PCDHGA3: variants seen among roughly 807,000 people sequenced by gnomAD.
The protein encoded by PCDHGA3 is protocadherin gamma subfamily A, 3, also known as protocadherin gamma-A3.
A neutral mutation model predicts 58.5 loss-of-function variants in PCDHGA3; 40 were observed. The observed-to-expected ratio is 0.68, with a 90% CI of 0.53 to 0.89. The LOEUF (loss-of-function observed/expected upper bound fraction) is 0.89, where lower values mean the gene tolerates loss of function less well. Among genes scored for constraint, PCDHGA3 ranks in the 40% least tolerant of loss-of-function variants. The pLI is 0.00. For synonymous variants in PCDHGA3, 530 were observed against 525.7 expected (o/e 1.01, Z -0.11); for missense variants, 1,223 against 1,195.9 (o/e 1.02, Z -0.33).
chr5:141,481,021 GC>G (rs2099529893), intron 1 of PCDHGA3, among the ~76,000 whole-genome samples: 1 of 152,076 alleles, frequency 6.6e-6, no homozygotes, highest in Non-Finnish European at 1.5e-5. Context: ...TCACACCACT[GC>G]ACTCCAGCCT....
In PCDHGA3 at chr5:141,490,455, G is replaced by A. The variant is rs746957706; in HGVS notation, c.2425-4352G>A. The A allele has an allele frequency of 9.3e-6, 15 of 1,614,010 alleles. No individual in the cohort carries two copies. The highest frequency in any genetic ancestry group is 2.2e-5 in the South Asian group (2 of 91,084). ...TTAAGCCTTCTGAGAACCACTACTC[G>A]CTGCTAACCAGCCAGCCTTTGGACC... On this transcript the variant is annotated intron_variant, in intron 1 of 3. Coordinates refer to ENST00000253812, the MANE Select transcript of PCDHGA3 (RefSeq NM_018916.4). The surrounding 1 kb of genome is among the most constrained non-coding windows in gnomAD (Gnocchi z 5.4).
chr5:141,387,388 T>C (rs1323763140), intron 1 of PCDHGA3, among the ~76,000 whole-genome samples: 3 of 152,196 alleles, frequency 2.0e-5, no homozygotes, highest in Non-Finnish European at 2.9e-5. Flanking sequence ...ATATAGATAG[T>C]GCATGTTTGA....
At chr5:141,365,782 C>G in intron 1 of PCDHGA3, 1 of 1,613,910 alleles carries the variant, frequency 6.2e-7, no homozygotes, top group Non-Finnish European at 8.5e-7. Flanking sequence ...GCGGCGACAA[C>G]GCTCGAGTCA....
rs375665864 is a variant in PCDHGA3, at chr5:141,469,524, A to G, written c.2425-25283A>G. Among the ~76,000 whole-genome samples the G allele has an allele frequency of 2.4e-4, 36 of 152,260 alleles. No homozygotes were observed. The East Asian group carries it at 3.1e-3, about 13-fold the overall frequency. On this transcript the variant is annotated intron_variant, in intron 1 of 3. Coordinates refer to ENST00000253812, the MANE Select transcript of PCDHGA3 (RefSeq NM_018916.4). ...CGGGAGGTGGAGGTTGCAGTGAGCCAAGATTGTGCCACTGCACTCCAGCCT... is the reference window on the plus strand; with the variant it reads ...CGGGAGGTGGAGGTTGCAGTGAGCCGAGATTGTGCCACTGCACTCCAGCCT...
chr5:141,344,979 G>A lies in PCDHGA3; in HGVS notation c.946G>A (p.Glu316Lys), dbSNP rs1337993942. ...SLDYEDAMFY[E>K]IKIEAQDGPG... Reference sequence around the variant, plus strand: ...AGATTATGAGGATGCCATGTTCTATGAAATTAAAATTGAAGCACAGGATGG... The same window carrying A: ...AGATTATGAGGATGCCATGTTCTATAAAATTAAAATTGAAGCACAGGATGG... Residue 316 changes from glutamate (E) to lysine (K), a missense_variant, in exon 1 of 4, where the codon GAA (glutamate) becomes AAA (lysine). Glu to Lys is a moderately conservative substitution (Grantham distance 56). Coordinates refer to ENST00000253812, the MANE Select transcript of PCDHGA3 (RefSeq NM_018916.4). 1 of 1,613,794 alleles carries A rather than the reference G, an allele frequency of 6.2e-7. No individual in the cohort carries two copies. The highest frequency in any genetic ancestry group is 1.3e-5 in the African/African-American group (1 of 74,916).
chr5:141,364,207 C>A, intron 1 of PCDHGA3: 1 of 1,184,312 alleles, frequency 8.4e-7, no homozygotes, highest in Non-Finnish European at 1.2e-6. Context: ...ACCAGACAAG[C>A]TCCTACGAAA....
At chr5:141,347,141 T>TTCTTTCTC (rs1757900231) in intron 1 of PCDHGA3, among the ~76,000 whole-genome samples, 1 of 89,964 alleles carries the variant, frequency 1.1e-5, no homozygotes, top group African/African-American at 3.7e-5. Flanking sequence ...GTTTCTCTCT[T>TTCTTTCTC]TCTTTCTTTC....
At chr5:141,438,287 T>C (rs1183751436) in intron 1 of PCDHGA3, among the ~76,000 whole-genome samples, 1 of 152,054 alleles carries the variant, frequency 6.6e-6, no homozygotes, top group African/African-American at 2.4e-5. Context: ...TAATTTAATC[T>C]GTATGTAAAA....
At chr5:141,502,887 G>T (rs2099816882) in intron 2 of PCDHGA3, among the ~76,000 whole-genome samples, 1 of 40,910 alleles carries the variant, frequency 2.4e-5, no homozygotes, top group Non-Finnish European at 4.5e-5. Context: ...TTTTGACAGG[G>T]AGTCTAGCTC....
chr5:141,475,297 T>C lies in PCDHGA3; in HGVS notation c.2425-19510T>C, dbSNP rs187277570. Among the ~76,000 whole-genome samples the C allele has an allele frequency of 6.5e-4, 99 of 152,360 alleles. 2 individuals are homozygous for C. Among genetic ancestry groups the C allele is most frequent in the African/African-American group, 2.3e-3 (96 of 41,586 alleles). ...TGAAAGACAGGGTAGGGAAATTTCT[T>C]ATTGCTCCCTGGTTCTTAAGAAATG... On this transcript the variant is annotated intron_variant, in intron 1 of 3. Transcript: ENST00000253812.
chr5:141,511,138 A>C lies in PCDHGA3; in HGVS notation c.2764A>C (p.Asn922His). 6.2e-7 allele frequency: 1 copy of C among 1,614,210 alleles called. No homozygotes were observed. ...DGKAPAGGNGNKKKSGKKEKK is the reference protein window; with the variant it reads ...DGKAPAGGNGHKKKSGKKEKK ...CAAGGCCCCAGCAGGTGGCAATGGCAACAAGAAGAAGTCGGGCAAGAAGGA... is the reference window on the plus strand; with the variant it reads ...CAAGGCCCCAGCAGGTGGCAATGGCCACAAGAAGAAGTCGGGCAAGAAGGA... Residue 922 changes from asparagine to histidine, a missense_variant, in exon 4 of 4, where the codon AAC becomes CAC. This residue lies in a region of PCDHGA3 where 325 missense variants were observed against 327.5 expected (regional missense o/e 0.99). Transcript: ENST00000253812.
At chr5:141,375,607 C>T in intron 1 of PCDHGA3, 1 of 1,614,216 alleles carries the variant, frequency 6.2e-7, no homozygotes, top group East Asian at 2.2e-5. Context: ...TGTCCATCAA[C>T]TCCGACACTG....
At chr5:141,374,759 G>A (rs761534482) in intron 1 of PCDHGA3, 1 of 1,613,112 alleles carries the variant, frequency 6.2e-7, no homozygotes, top group Non-Finnish European at 8.5e-7. Flanking sequence ...CTCAAGCGTC[G>A]CCCAAATTCT....
intron 1 of PCDHGA3, chr5:141,418,463 C>A (rs1046926260): frequency 1.2e-6 from 2 of 1,613,826 alleles, no homozygotes; most frequent in Non-Finnish European, 1.7e-6. Context: ...GACTCTGGAC[C>A]GAGAAACGCA....
At chr5:141,384,755 T>C (rs1780456507) in intron 1 of PCDHGA3, 1 of 1,613,938 alleles carries the variant, frequency 6.2e-7, no homozygotes, top group South Asian at 1.1e-5. Flanking sequence ...CTCTTTGCGG[T>C]TGGGCTGTAC....
chr5:141,456,026 T>A (rs2098840894), intron 1 of PCDHGA3, among the ~76,000 whole-genome samples: 1 of 151,690 alleles, frequency 6.6e-6, no homozygotes, highest in African/African-American at 2.4e-5. Context: ...GCCTCCCGAG[T>A]AGCTGGGACT....
At chr5:141,415,885 C>G in intron 1 of PCDHGA3, 2 of 979,016 alleles carry the variant, frequency 2.0e-6, no homozygotes, top group Non-Finnish European at 2.7e-6. Flanking sequence ...ACAATATTGA[C>G]AATTCCTAAG....
At chr5:141,365,761 TGACCCC>T in intron 1 of PCDHGA3, 1 of 1,613,834 alleles carries the variant, frequency 6.2e-7, no homozygotes, top group Non-Finnish European at 8.5e-7. Context: ...TGACAGCCCA[TGACCCC>T]GACAGCGGCG....
At chr5:141,351,284 G>A in intron 1 of PCDHGA3, 1 of 1,613,858 alleles carries the variant, frequency 6.2e-7, no homozygotes, top group South Asian at 1.1e-5. Context: ...CAATGCCCCA[G>A]AGGTGACATT....
Sources: gnomAD v4.1 joint callset for allele counts (sites outside exome capture counted in the v4.1 genomes callset) on GRCh38, gnomAD v4.1.1 for gene constraint, gnomAD v4.1.1 regional missense constraint, Gnocchi (gnomAD v3.1) non-coding constraint, MANE v1.5 for transcripts, NCBI Gene and HGNC (gene_info 2026-07-23, HGNC 2026-07-21) for gene names.